Variants in PARD3B observed in about 807,000 individuals in gnomAD.
PARD3B encodes the protein partitioning defective 3 homolog B.
A neutral mutation model predicts 130.2 loss-of-function variants in PARD3B; 103 were observed. That is an observed-to-expected ratio of 0.79 (90% CI 0.67 to 0.93). The LOEUF (loss-of-function observed/expected upper bound fraction) is 0.93, where lower values mean the gene tolerates loss of function less well. Among genes scored for constraint, PARD3B ranks in the 40% least tolerant of loss-of-function variants. The pLI, the probability that PARD3B is intolerant of heterozygous loss-of-function variation, is 0.00. For synonymous variants in PARD3B, 583 were observed against 553.2 expected (o/e 1.05, Z -0.76); for missense variants, 1,609 against 1,499.2 (o/e 1.07, Z -1.21).
chr2:204,762,082 G>A (rs1259343501), intron 2 of PARD3B, among the ~76,000 whole-genome samples: 1 of 146,630 alleles, frequency 6.8e-6, no homozygotes, highest in Non-Finnish European at 1.5e-5. Flanking sequence ...TATATTGAAT[G>A]ATAAAGATTT....
chr2:205,332,753 T>A (rs2043184060), intron 18 of PARD3B, among the ~76,000 whole-genome samples: 1 of 152,152 alleles, frequency 6.6e-6, no homozygotes, highest in Non-Finnish European at 1.5e-5. Context: ...CTTCCCTACC[T>A]ACACTAAATA....
At chr2:205,267,229 C>T in intron 16 of PARD3B, among the ~76,000 whole-genome samples, 1 of 152,156 alleles carries the variant, frequency 6.6e-6, no homozygotes, top group Middle Eastern at 3.2e-3. Flanking sequence ...ACTCTTTTAA[C>T]ATTTATATGC....
chr2:205,440,330 A>T lies in PARD3B; in HGVS notation c.2742-40A>T. On this transcript the variant is annotated intron_variant, in intron 19 of 22. Coordinates refer to ENST00000406610, the MANE Select transcript of PARD3B (RefSeq NM_001302769.2). The surrounding 1 kb of genome is among the most constrained non-coding windows in gnomAD (Gnocchi z 4.2). Reference sequence around the variant, plus strand: ...AGTATTTCATTGTATTATTATATGAAACTCACATACATCTTTGCTACCTGT... The same window carrying T: ...AGTATTTCATTGTATTATTATATGATACTCACATACATCTTTGCTACCTGT... The T allele has an allele frequency of 6.4e-7, 1 of 1,562,788 alleles. No individual in the cohort carries two copies. The highest frequency in any genetic ancestry group is 8.8e-7 in the Non-Finnish European group (1 of 1,137,462).
chr2:205,303,758 C>T (rs2042093540), intron 18 of PARD3B, among the ~76,000 whole-genome samples: 1 of 152,150 alleles, frequency 6.6e-6, no homozygotes, highest in Non-Finnish European at 1.5e-5. Flanking sequence ...TTTTGCAAGT[C>T]ACAAAATAAA....
chr2:204,562,211 C>T (rs1451320877), intron 1 of PARD3B, among the ~76,000 whole-genome samples: 1 of 152,120 alleles, frequency 6.6e-6, no homozygotes, highest in Non-Finnish European at 1.5e-5. Context: ...ATTGATTTCA[C>T]TAATGGGTTA....
At chr2:204,902,754 AT>A (rs1320635086) in intron 2 of PARD3B, among the ~76,000 whole-genome samples, 1 of 149,868 alleles carries the variant, frequency 6.7e-6, no homozygotes, top group South Asian at 2.1e-4. Flanking sequence ...GAAATGTCCT[AT>A]TTTTTTTCTT....
At chr2:205,369,278 C>G (rs1282480692) in intron 18 of PARD3B, among the ~76,000 whole-genome samples, 1 of 152,168 alleles carries the variant, frequency 6.6e-6, no homozygotes, top group African/African-American at 2.4e-5. Context: ...ATTACCAAAC[C>G]TGCTCTCCAG....
intron 15 of PARD3B, among the ~76,000 whole-genome samples, chr2:205,220,989 G>A (rs2125871188): frequency 6.6e-6 from 1 of 152,244 alleles, no homozygotes; most frequent in South Asian, 2.1e-4. Context: ...GGAAGCCTTT[G>A]GATTTTCTTC....
intron 15 of PARD3B, among the ~76,000 whole-genome samples, chr2:205,227,051 T>C (rs2038590936): frequency 6.7e-6 from 1 of 149,192 alleles, no homozygotes; most frequent in Non-Finnish European, 1.5e-5. Context: ...TCGATATAAT[T>C]TCAGGGTTTT....
chr2:205,351,993 G>A lies in PARD3B; in HGVS notation c.2631-49020G>A, dbSNP rs1374742119. Among the ~76,000 whole-genome samples, 1 of 152,116 alleles carries A rather than the reference G, an allele frequency of 6.6e-6. No homozygotes were observed. Among genetic ancestry groups the A allele is most frequent in the African/African-American group, 2.4e-5 (1 of 41,416 alleles). On this transcript the variant is annotated intron_variant, in intron 18 of 22. Coordinates refer to ENST00000406610, the MANE Select transcript of PARD3B (RefSeq NM_001302769.2). The surrounding 1 kb of genome is among the most constrained non-coding windows in gnomAD (Gnocchi z 4.2). The stretch of plus-strand genomic sequence containing the variant: ...GTTTCAAAGAAAACCATTCTTTTTG[G>A]AGTAGTAAGCTCTTTTATAAGGCTG...
chr2:204,578,247 T>C (rs1574490046), intron 1 of PARD3B, among the ~76,000 whole-genome samples: 1 of 152,206 alleles, frequency 6.6e-6, no homozygotes, highest in African/African-American at 2.4e-5. Context: ...AGGGTAGAGC[T>C]GATACTAAAC....
In PARD3B at chr2:205,575,111, A is replaced by ACG. The variant is rs756846830; in HGVS notation, c.3260+21709_3260+21710insGC. On this transcript the variant is annotated intron_variant, in intron 22 of 22. Transcript: ENST00000406610. The surrounding 1 kb of genome is among the most constrained non-coding windows in gnomAD (Gnocchi z 4.6). Reference sequence around the variant, plus strand: ...CACACACACACACACACACACACACACACGCGTACACTATATATAAAAATA... The same window carrying ACG: ...CACACACACACACACACACACACACACGCACGCGTACACTATATATAAAAATA... 3.2e-4 allele frequency among the ~76,000 whole-genome samples: 47 copies of ACG among 147,166 alleles called. No homozygotes were observed. The highest frequency in any genetic ancestry group is 5.9e-4 in the East Asian group (3 of 5,098).
At chr2:205,554,879 A>G (rs1013770203) in intron 22 of PARD3B, among the ~76,000 whole-genome samples, 4 of 152,184 alleles carry the variant, frequency 2.6e-5, no homozygotes, top group Non-Finnish European at 1.5e-5. Flanking sequence ...ATTCCATTTT[A>G]TATCAAGGAC....
chr2:205,071,398 A>T (rs1700722092), intron 4 of PARD3B, among the ~76,000 whole-genome samples: 1 of 152,212 alleles, frequency 6.6e-6, no homozygotes, highest in Non-Finnish European at 1.5e-5. Flanking sequence ...TGTTCCTGAG[A>T]ACAAATTACT....
chr2:204,624,385 C>T (rs1456938753), intron 1 of PARD3B, among the ~76,000 whole-genome samples: 4 of 152,018 alleles, frequency 2.6e-5, no homozygotes. Context: ...TAAAATGGTA[C>T]AGGCTACCGT....
chr2:204,616,460 T>C (rs2034117027), intron 1 of PARD3B, among the ~76,000 whole-genome samples: 1 of 152,110 alleles, frequency 6.6e-6, no homozygotes, highest in Non-Finnish European at 1.5e-5. Flanking sequence ...CCCAGGACAC[T>C]GACAACACCA....
chr2:204,963,800 C>T (rs1221186538), intron 2 of PARD3B, among the ~76,000 whole-genome samples: 1 of 152,096 alleles, frequency 6.6e-6, no homozygotes, highest in Non-Finnish European at 1.5e-5. Context: ...TGCATGTGCT[C>T]AATTTCAAGA....
At position 204,678,529 on chromosome 2, in the gene PARD3B, G is replaced by A. The variant is rs1027013265; in HGVS notation, c.121-7652G>A. On this transcript the variant is annotated intron_variant, in intron 1 of 22. Transcript: ENST00000406610. This position sits in a 1 kb window ranked among gnomAD's most constrained non-coding sequence, Gnocchi z 4.2. ...TGGAAAAGGAGCTAGAGCGGGGATG[G>A]TGCGGGAAGAAAGTAGTCTTTCCTT... Among the ~76,000 whole-genome samples, 1 of 152,126 alleles carries A rather than the reference G, an allele frequency of 6.6e-6. No homozygotes were observed. The highest frequency in any genetic ancestry group is 6.5e-5 in the Admixed American group (1 of 15,274).
At chr2:205,376,025 G>A (rs1432933323) in intron 18 of PARD3B, among the ~76,000 whole-genome samples, 1 of 152,160 alleles carries the variant, frequency 6.6e-6, no homozygotes, top group Non-Finnish European at 1.5e-5. Context: ...AAAAGTTTAA[G>A]AAAGTTCATT....
Sources: allele counts gnomAD v4.1 joint callset (sites outside exome capture counted in the v4.1 genomes callset), GRCh38; gene constraint gnomAD v4.1.1; non-coding constraint Gnocchi (gnomAD v3.1); transcripts MANE v1.5; gene names NCBI Gene and HGNC (gene_info 2026-07-23, HGNC 2026-07-21).